C2CD4B: variants seen among roughly 807,000 people sequenced by gnomAD.
C2CD4B encodes C2 calcium dependent domain containing 4B.
For synonymous variants in C2CD4B, 347 were observed against 284.9 expected, an observed-to-expected ratio of 1.22 and a Z score of -2.20; for missense variants, 644 against 577.7, an observed-to-expected ratio of 1.11 and a Z score of -1.18.
In C2CD4B at chr15:62,164,088, C is replaced by A; in HGVS notation, c.897G>T (p.Ala299=). 6.5e-7 allele frequency: 1 copy of A among 1,539,424 alleles called. No homozygotes were observed. Among genetic ancestry groups the A allele is most frequent in the Non-Finnish European group, 8.7e-7 (1 of 1,149,784 alleles). ...CCACCACAGCGCTGCATTGCCAACG[C>A]GCAGTGCCCGGCGGCCGCAGGACGA... ...LSLVLRPPGT[A]RWQCSAVVGR... is the part of the protein sequence containing the mutation. The change falls in exon 2 of 2, where the codon GCG becomes GCT. Residue 299 remains alanine, a synonymous_variant. Transcript: ENST00000380392.
chr15:62,164,156 C>G lies in C2CD4B; in HGVS notation c.829G>C (p.Gly277Arg). ...ACGGCGCGGGGCCCGGGGGCGCCTC[C>G]GAACAGGCTCTCCGCGCGGAGCAGC... ...LRLLRAESLFGGAPGPRAVRC... is the reference protein window; with the variant it reads ...LRLLRAESLFRGAPGPRAVRC... Residue 277 changes from glycine to arginine, a missense_variant, in exon 2 of 2, where the codon GGA becomes CGA. Transcript: ENST00000380392. 6.2e-6 allele frequency: 9 copies of G among 1,461,304 alleles called. No homozygotes were observed. Among genetic ancestry groups the G allele is most frequent in the Middle Eastern group, 2.2e-4 (1 of 4,624 alleles). The allele number at this position is 1,461,304 out of a possible 1,614,324, so 90.5% of individuals were successfully genotyped here. A position where few individuals can be genotyped will look rare whatever the true frequency, so the allele number is the denominator to read the frequency against.
rs557946264 is a variant in C2CD4B, at chr15:62,164,899, C to A, written c.86G>T (p.Arg29Leu). The part of the protein sequence containing the change: ...PAFAKVLTPN[R>L]IPEFCIPPRL... ...CGGCGGGATGCAGAATTCGGGGATGCGATTCGGCGTGAGCACTTTGGCGAA... is the reference window on the plus strand; with the variant it reads ...CGGCGGGATGCAGAATTCGGGGATGAGATTCGGCGTGAGCACTTTGGCGAA... Residue 29 changes from arginine (R) to leucine (L), a missense_variant, in exon 2 of 2, where the codon CGC becomes CTC. Physicochemically the swap from Arg to Leu is moderately radical, Grantham distance 102. Coordinates refer to ENST00000380392, the MANE Select transcript of C2CD4B (RefSeq NM_001007595.3). The A allele has an allele frequency of 6.5e-7, 1 of 1,529,184 alleles. No individual in the cohort carries two copies. 94.7% of individuals were successfully genotyped at this position (1,529,184 alleles called of 1,614,324 possible).
In C2CD4B at chr15:62,164,254, G is replaced by A. The variant is rs780631945; in HGVS notation, c.731C>T (p.Ala244Val). ...PERLEAKGTV[A>V]LGRAGDALRL... ...CAGGGCGTCGCCGGCGCGGCCCAGA[G>A]CCACGGTGCCCTTGGCCTCCAGGCG... Residue 244 changes from alanine to valine, a missense_variant, in exon 2 of 2, where the codon GCT (alanine) becomes GTT (valine). Coordinates refer to ENST00000380392, the MANE Select transcript of C2CD4B (RefSeq NM_001007595.3). The A allele has an allele frequency of 6.4e-5, 92 of 1,443,730 alleles. No homozygotes were observed. Among genetic ancestry groups the A allele is most frequent in the Non-Finnish European group, 7.9e-5 (88 of 1,107,412 alleles). The allele number at this position is 1,443,730 out of a possible 1,614,324, so 89.4% of individuals were successfully genotyped here.
Position 62,164,159 on chromosome 15 carries a change from A to C in C2CD4B, c.826T>G (p.Phe276Val), listed in dbSNP as rs8040712. The C allele has an allele frequency of 0.82, 1,205,816 of 1,463,868 alleles. 499,632 individuals carry two copies. Among genetic ancestry groups the C allele is most frequent in the Non-Finnish European group, 0.85 (946,426 of 1,117,262 alleles). 90.7% of individuals were successfully genotyped at this position (1,463,868 alleles called of 1,614,324 possible). A position where few individuals can be genotyped will look rare whatever the true frequency, so the allele number is the denominator to read the frequency against. Reference protein sequence around the residue: ...RLRLLRAESLFGGAPGPRAVR... With the variant: ...RLRLLRAESLVGGAPGPRAVR... ...GCGCGGGGCCCGGGGGCGCCTCCGA[A>C]CAGGCTCTCCGCGCGGAGCAGCCGG... Residue 276 changes from phenylalanine (F) to valine (V), a missense_variant, in exon 2 of 2, where the codon TTC becomes GTC. Physicochemically the swap from Phe to Val is conservative, Grantham distance 50 (BLOSUM62 -1). Transcript: ENST00000380392.
chr15:62,164,341 G>C lies in C2CD4B; in HGVS notation c.644C>G (p.Ser215Cys), dbSNP rs2049586788. 6 of 1,399,778 alleles carry C rather than the reference G, an allele frequency of 4.3e-6. No homozygotes were observed. The highest frequency in any genetic ancestry group is 5.5e-6 in the Non-Finnish European group (6 of 1,086,848). 86.7% of individuals were successfully genotyped at this position (1,399,778 alleles called of 1,614,324 possible). A position where few individuals can be genotyped will look rare whatever the true frequency, so the allele number is the denominator to read the frequency against. Residue 215 changes from serine to cysteine, a missense_variant, in exon 2 of 2, where the codon TCC (serine) becomes TGC (cysteine). Coordinates refer to ENST00000380392, the MANE Select transcript of C2CD4B (RefSeq NM_001007595.3). ...GGAGGGGGCCCGGGCCGGGGACTCG[G>C]ATCCCGCGCGGCGCTCCTCGTCCTC... ...GNEDEERRAG[S>C]ESPARAPSSS...
rs2049591581 is a variant in C2CD4B at position 62,164,566 on chromosome 15, A to AG, written c.418dup (p.Leu140ProfsTer96). 15 of 1,181,218 alleles carry AG rather than the reference A, an allele frequency of 1.3e-5. No homozygotes were observed. Among genetic ancestry groups the AG allele is most frequent in the African/African-American group, 8.1e-5 (5 of 61,770 alleles). 73.2% of individuals were successfully genotyped at this position (1,181,218 alleles called of 1,614,324 possible). Reference sequence around the variant, plus strand: ...ACCTCGCGGGCCGCACAGGGTCCCCAGGGGGGCGTCCGGGCCTCCGCCGCC... The same window carrying AG: ...ACCTCGCGGGCCGCACAGGGTCCCCAGGGGGGGCGTCCGGGCCTCCGCCGCC... On this transcript the variant is annotated frameshift_variant, in exon 2 of 2. Coordinates refer to ENST00000380392, the MANE Select transcript of C2CD4B (RefSeq NM_001007595.3). LOFTEE classifies it low-confidence loss of function (END_TRUNC).
chr15:62,164,743 C>G lies in C2CD4B; in HGVS notation c.242G>C (p.Arg81Pro). 1 of 1,479,818 alleles carries G rather than the reference C, an allele frequency of 6.8e-7. No homozygotes were observed. Among genetic ancestry groups the G allele is most frequent in the Non-Finnish European group, 8.9e-7 (1 of 1,125,334 alleles). The allele number at this position is 1,479,818 out of a possible 1,614,324, so 91.7% of individuals were successfully genotyped here. Residue 81 changes from arginine to proline, a missense_variant, in exon 2 of 2, where the codon CGC becomes CCC. Physicochemically the swap from Arg to Pro is moderately radical, Grantham distance 103. Coordinates refer to ENST00000380392, the MANE Select transcript of C2CD4B (RefSeq NM_001007595.3). Reference sequence around the variant, plus strand: ...CGGCAGTGACAGCGCTGCCTGCGAGCGCGGGTCCCAGTCCGTGCGGCCGGC... The same window carrying G: ...CGGCAGTGACAGCGCTGCCTGCGAGGGCGGGTCCCAGTCCGTGCGGCCGGC... ...EDAGRTDWDP[R>P]SQAALSLPHL...
At chr15:62,165,120 C>A (rs1411400071) in intron 1 of C2CD4B, 75 bp downstream of exon 1, 16 of 1,116,252 alleles carry the variant, frequency 1.4e-5, no homozygotes, top group South Asian at 1.7e-5. Context: ...AAACGTCCCC[C>A]ACGTGTTTAA....
Position 62,163,938 on chromosome 15 carries a change from G to T in C2CD4B, c.1047C>A (p.Arg349=), listed in dbSNP as rs2049578417. 8 of 1,566,386 alleles carry T rather than the reference G, an allele frequency of 5.1e-6. No individual in the cohort carries two copies. The highest frequency in any genetic ancestry group is 1.8e-5 in the Admixed American group (1 of 55,138). The change falls in exon 2 of 2, where the codon CGC becomes CGA. Residue 349 remains arginine, a synonymous_variant. Transcript: ENST00000380392. ...RDEGRGRDRG[R]LLGQGELSLG... Reference sequence around the variant, plus strand: ...GGGACAGCTCACCCTGGCCCAGCAGGCGGCCCCGATCCCGGCCGCGACCCT... The same window carrying T: ...GGGACAGCTCACCCTGGCCCAGCAGTCGGCCCCGATCCCGGCCGCGACCCT...
In C2CD4B at chr15:62,164,917, T is replaced by C; in HGVS notation, c.68A>G (p.Lys23Arg). 6.5e-7 allele frequency: 1 copy of C among 1,538,268 alleles called. No homozygotes were observed. The change falls in exon 2 of 2, where the codon AAA (lysine) becomes AGA (arginine). Residue 23 changes from lysine (K) to arginine (R), a missense_variant. Coordinates refer to ENST00000380392, the MANE Select transcript of C2CD4B (RefSeq NM_001007595.3). ...GGGGATGCGATTCGGCGTGAGCACTTTGGCGAAGGCGGGCTTCGGCGCGGA... is the reference window on the plus strand; with the variant it reads ...GGGGATGCGATTCGGCGTGAGCACTCTGGCGAAGGCGGGCTTCGGCGCGGA... ...GSSAPKPAFAKVLTPNRIPEF... is the reference protein window; with the variant it reads ...GSSAPKPAFARVLTPNRIPEF...
Position 62,164,850 on chromosome 15 carries a change from G to C in C2CD4B, c.135C>G (p.Leu45=). 6.7e-7 allele frequency: 1 copy of C among 1,486,212 alleles called. No individual in the cohort carries two copies. Among genetic ancestry groups the C allele is most frequent in the Admixed American group, 2.2e-5 (1 of 44,594 alleles). The allele number at this position is 1,486,212 out of a possible 1,614,324, so 92.1% of individuals were successfully genotyped here. A position where few individuals can be genotyped will look rare whatever the true frequency, so the allele number is the denominator to read the frequency against. Reference sequence around the variant, plus strand: ...CGGCGGCGGCCCGGATTGGAGACTCGAGCGTGCAAGGGGCCGGCAGCCGCG... The same window carrying C: ...CGGCGGCGGCCCGGATTGGAGACTCCAGCGTGCAAGGGGCCGGCAGCCGCG... ...IPPRLPAPCT[L]ESPIRAAAVP... Residue 45 remains leucine (L), a synonymous_variant, in exon 2 of 2, where the codon CTC becomes CTG. Transcript: ENST00000380392.
chr15:62,164,717 G>A lies in C2CD4B; in HGVS notation c.268C>T (p.His90Tyr), dbSNP rs569923492. Residue 90 changes from histidine (H) to tyrosine (Y), a missense_variant, in exon 2 of 2, where the codon CAC becomes TAC. Physicochemically the swap from His to Tyr is moderately conservative, Grantham distance 83 (BLOSUM62 2). Coordinates refer to ENST00000380392, the MANE Select transcript of C2CD4B (RefSeq NM_001007595.3). ...TAGGTGGTGCGCACACGGGGCAGGT[G>A]CGGCAGTGACAGCGCTGCCTGCGAG... ...PRSQAALSLP[H>Y]LPRVRTTYGF... The A allele has an allele frequency of 3.9e-5, 57 of 1,478,586 alleles. No individual in the cohort carries two copies. In the African/African-American group the frequency reaches 7.2e-4, roughly 19 times the overall value. The allele number at this position is 1,478,586 out of a possible 1,614,324, so 91.6% of individuals were successfully genotyped here. A position where few individuals can be genotyped will look rare whatever the true frequency, so the allele number is the denominator to read the frequency against.
chr15:62,164,217 A>G lies in C2CD4B; in HGVS notation c.768T>C (p.Ala256=). ...GACGCCGGGTTCCCGGACAGTACTC[A>G]GCAGCCAGGCGCAGGGCGTCGCCGG... ...GRAGDALRLA[A]EYCPGTRRLR... is the part of the protein sequence containing the mutation. The change falls in exon 2 of 2, where the codon GCT becomes GCC. Residue 256 remains alanine, a synonymous_variant. Coordinates refer to ENST00000380392, the MANE Select transcript of C2CD4B (RefSeq NM_001007595.3). The G allele has an allele frequency of 2.0e-6, 3 of 1,471,278 alleles. No homozygotes were observed. Among genetic ancestry groups the G allele is most frequent in the Non-Finnish European group, 2.7e-6 (3 of 1,119,348 alleles). The allele number at this position is 1,471,278 out of a possible 1,614,324, so 91.1% of individuals were successfully genotyped here. A position where few individuals can be genotyped will look rare whatever the true frequency, so the allele number is the denominator to read the frequency against.
rs1312854510 is a variant in C2CD4B, at chr15:62,164,831, C to G, written c.154G>C (p.Ala52Pro). The G allele has an allele frequency of 2.1e-6, 3 of 1,462,886 alleles. No individual in the cohort carries two copies. Among genetic ancestry groups the G allele is most frequent in the Non-Finnish European group, 2.7e-6 (3 of 1,118,240 alleles). The allele number at this position is 1,462,886 out of a possible 1,614,324, so 90.6% of individuals were successfully genotyped here. A position where few individuals can be genotyped will look rare whatever the true frequency, so the allele number is the denominator to read the frequency against. The change falls in exon 2 of 2, where the codon GCC becomes CCC. Residue 52 changes from alanine (A) to proline (P), a missense_variant. Physicochemically the swap from Ala to Pro is conservative, Grantham distance 27. Coordinates refer to ENST00000380392, the MANE Select transcript of C2CD4B (RefSeq NM_001007595.3). ...PCTLESPIRA[A>P]AVPRRCAAES... is the part of the protein sequence containing the mutation. Reference sequence around the variant, plus strand: ...GCGGCGCAGCGCCGGGGCACGGCGGCGGCCCGGATTGGAGACTCGAGCGTG... The same window carrying G: ...GCGGCGCAGCGCCGGGGCACGGCGGGGGCCCGGATTGGAGACTCGAGCGTG...
rs1460731545 is a variant in C2CD4B at position 62,164,508 on chromosome 15, ACCGCCGGGGG to A, written c.467_476del (p.Ala156ValfsTer26). ...CGAGCGCGTCCTGGGGCAGGCGGGG[ACCGCCGGGGG>A]CCGCGGGGGTGGCCGGGCCCGGACC... On this transcript the variant is annotated frameshift_variant, in exon 2 of 2. Transcript: ENST00000380392. LOFTEE classifies it low-confidence loss of function (END_TRUNC). The A allele has an allele frequency of 3.4e-6, 4 of 1,191,620 alleles. No homozygotes were observed. Among genetic ancestry groups the A allele is most frequent in the South Asian group, 4.1e-5 (1 of 24,146 alleles). The allele number at this position is 1,191,620 out of a possible 1,614,324, so 73.8% of individuals were successfully genotyped here.
rs757781866 is a variant in C2CD4B, at chr15:62,164,790, C to A, written c.195G>T (p.Trp65Cys). ...PRRCAAESDLWPRAADEDAGR... is the reference protein window; with the variant it reads ...PRRCAAESDLCPRAADEDAGR... ...CGGCGTCCTCGTCTGCCGCGCGGGG[C>A]CACAGGTCGCTTTCAGCGGCGCAGC... Residue 65 changes from tryptophan (W) to cysteine (C), a missense_variant, in exon 2 of 2, where the codon TGG becomes TGT. Physicochemically the swap from Trp to Cys is radical, Grantham distance 215 (BLOSUM62 -2). Coordinates refer to ENST00000380392, the MANE Select transcript of C2CD4B (RefSeq NM_001007595.3). 3 of 1,475,952 alleles carry A rather than the reference C, an allele frequency of 2.0e-6. No individual in the cohort carries two copies. Among genetic ancestry groups the A allele is most frequent in the Non-Finnish European group, 2.7e-6 (3 of 1,124,492 alleles). The allele number at this position is 1,475,952 out of a possible 1,614,324, so 91.4% of individuals were successfully genotyped here. A position where few individuals can be genotyped will look rare whatever the true frequency, so the allele number is the denominator to read the frequency against.
In C2CD4B at chr15:62,164,771, C is replaced by G. The variant is rs1168168097; in HGVS notation, c.214G>C (p.Asp72His). 6.7e-7 allele frequency: 1 copy of G among 1,482,924 alleles called. No homozygotes were observed. The highest frequency in any genetic ancestry group is 2.3e-5 in the Admixed American group (1 of 42,980). 91.9% of individuals were successfully genotyped at this position (1,482,924 alleles called of 1,614,324 possible). A position where few individuals can be genotyped will look rare whatever the true frequency, so the allele number is the denominator to read the frequency against. The change falls in exon 2 of 2, where the codon GAC (aspartate) becomes CAC (histidine). Residue 72 changes from aspartate (D) to histidine (H), a missense_variant. Physicochemically the swap from Asp to His is moderately conservative, Grantham distance 81. Transcript: ENST00000380392. ...GGGTCCCAGTCCGTGCGGCCGGCGT[C>G]CTCGTCTGCCGCGCGGGGCCACAGG... ...SDLWPRAADEDAGRTDWDPRS... is the reference protein window; with the variant it reads ...SDLWPRAADEHAGRTDWDPRS...
In C2CD4B at chr15:62,164,780, C is replaced by T. The variant is rs1407759902; in HGVS notation, c.205G>A (p.Ala69Thr). ...AAESDLWPRA[A>T]DEDAGRTDWD... ...TCCGTGCGGCCGGCGTCCTCGTCTG[C>T]CGCGCGGGGCCACAGGTCGCTTTCA... Residue 69 changes from alanine to threonine, a missense_variant, in exon 2 of 2, where the codon GCA becomes ACA. Coordinates refer to ENST00000380392, the MANE Select transcript of C2CD4B (RefSeq NM_001007595.3). 6.8e-7 allele frequency: 1 copy of T among 1,478,330 alleles called. No individual in the cohort carries two copies. The highest frequency in any genetic ancestry group is 8.9e-7 in the Non-Finnish European group (1 of 1,125,234). 91.6% of individuals were successfully genotyped at this position (1,478,330 alleles called of 1,614,324 possible). A position where few individuals can be genotyped will look rare whatever the true frequency, so the allele number is the denominator to read the frequency against.
intron 1 of C2CD4B, 79 bp downstream of exon 1, chr15:62,165,116 C>T: frequency 2.7e-6 from 3 of 1,129,174 alleles, no homozygotes; most frequent in Non-Finnish European, 3.6e-6. Context: ...CTGTAAACGT[C>T]CCCCACGTGT....
Sources: allele counts gnomAD v4.1 joint callset, GRCh38; gene constraint gnomAD v4.1.1; transcripts MANE v1.5; gene names NCBI Gene and HGNC (gene_info 2026-07-23, HGNC 2026-07-21).